ANTXR1: variants seen among roughly 807,000 people sequenced by gnomAD.
The protein encoded by ANTXR1 is ANTXR cell adhesion molecule 1.
ANTXR1 carries 19 observed loss-of-function variants against 78.1 expected under a neutral mutation model. That is an observed-to-expected ratio of 0.24 (90% CI 0.17 to 0.36). The LOEUF is 0.36. Ranked by LOEUF, ANTXR1 falls within the 10% of genes least tolerant of loss-of-function variation. The probability of loss-of-function intolerance (pLI) is 1.00; values close to 1 mark genes in which losing one functional copy is unlikely to be tolerated. For missense variants in ANTXR1, 518 were observed against 718.6 expected (o/e 0.72, Z 3.19); for synonymous variants, 273 against 260.5 (o/e 1.05, Z -0.46).
intron 10 of ANTXR1, among the ~76,000 whole-genome samples, chr2:69,109,566 T>A (rs1212182513): frequency 1.3e-5 from 2 of 152,210 alleles, no homozygotes; most frequent in Non-Finnish European, 2.9e-5. Flanking sequence ...GAATTTAGTA[T>A]AAAATAAGGC....
chr2:69,127,665 G>A (rs975514456), intron 12 of ANTXR1, among the ~76,000 whole-genome samples: 6 of 152,144 alleles, frequency 3.9e-5, no homozygotes, highest in Non-Finnish European at 8.8e-5. Flanking sequence ...GTTGAATCAG[G>A]GGAGGGCAAT....
chr2:69,014,474 G>A (rs1036820451), intron 1 of ANTXR1, among the ~76,000 whole-genome samples: 1 of 152,166 alleles, frequency 6.6e-6, no homozygotes, highest in South Asian at 2.1e-4. Context: ...AGGAGCCCTG[G>A]TTTCCTTGCA....
rs1332434965 is a variant in ANTXR1 at position 69,013,780 on chromosome 2, G to C, written c.152+129G>C. 6 of 1,465,888 alleles carry C rather than the reference G, an allele frequency of 4.1e-6. No individual in the cohort carries two copies. The highest frequency in any genetic ancestry group is 5.6e-6 in the Non-Finnish European group (6 of 1,074,152). 90.8% of individuals were successfully genotyped at this position (1,465,888 alleles called of 1,614,324 possible). ...CTCCAGGGCCACAGAGGGACCGCGC[G>C]GCAGGCGGCGGCGGAGTGCTGCGCC... On this transcript the variant is annotated intron_variant, in intron 1 of 17. Transcript: ENST00000303714. This position sits in a 1 kb window ranked among gnomAD's most constrained non-coding sequence, Gnocchi z 5.0.
chr2:69,051,428 A>G (rs944193720), intron 3 of ANTXR1, among the ~76,000 whole-genome samples: 1 of 151,982 alleles, frequency 6.6e-6, no homozygotes, highest in Non-Finnish European at 1.5e-5. Context: ...TTTAATAGCT[A>G]TATTTACTAT....
chr2:69,180,204 T>G (rs1367766789), intron 14 of ANTXR1, among the ~76,000 whole-genome samples: 1 of 152,242 alleles, frequency 6.6e-6, no homozygotes, highest in East Asian at 1.9e-4. Flanking sequence ...GCACCTTGCC[T>G]CCTGCATGGG....
chr2:69,191,396 A>G lies in ANTXR1; in HGVS notation c.1354-1939A>G, dbSNP rs1479131751. ...TGAGATGCTTCTTAACACTGCCCCT[A>G]TATAAATGCTTTGTGTCCAGGAACT... On this transcript the variant is annotated intron_variant, in intron 16 of 17. Transcript: ENST00000303714. 4.6e-5 allele frequency among the ~76,000 whole-genome samples: 7 copies of G among 152,218 alleles called. 1 individual carries two copies. The highest frequency in any genetic ancestry group is 4.1e-4 in the South Asian group (2 of 4,832).
intron 13 of ANTXR1, among the ~76,000 whole-genome samples, chr2:69,169,184 A>C (rs933986153): frequency 2.0e-5 from 3 of 152,258 alleles, no homozygotes; most frequent in Non-Finnish European, 2.9e-5. Flanking sequence ...TGGAGGAAGA[A>C]AAAATGGGTC....
At chr2:69,196,973 G>A (rs1674679860) in intron 17 of ANTXR1, among the ~76,000 whole-genome samples, 1 of 151,972 alleles carries the variant, frequency 6.6e-6, no homozygotes, top group South Asian at 2.1e-4. Context: ...AGGGGCTCAG[G>A]GAGCCAGAGC....
At position 69,044,689 on chromosome 2, in the gene ANTXR1, G is replaced by A; in HGVS notation, c.225-53G>A. On this transcript the variant is annotated intron_variant, in intron 2 of 17. Coordinates refer to ENST00000303714, the MANE Select transcript of ANTXR1 (RefSeq NM_032208.3). Reference sequence around the variant, plus strand: ...AGGACAGGGAGGGAGCCTGAAGGGAGTGGCATGCGCAGTCTTATTGTCTGT... The same window carrying A: ...AGGACAGGGAGGGAGCCTGAAGGGAATGGCATGCGCAGTCTTATTGTCTGT... 3 of 1,570,472 alleles carry A rather than the reference G, an allele frequency of 1.9e-6. No homozygotes were observed. In the East Asian group the frequency reaches 6.7e-5, roughly 35 times the overall value.
intron 16 of ANTXR1, among the ~76,000 whole-genome samples, chr2:69,192,586 C>G (rs1394038966): frequency 2.0e-5 from 3 of 152,178 alleles, no homozygotes; most frequent in Admixed American, 6.5e-5. Flanking sequence ...ACATTCTTAC[C>G]TTAATCACAT....
intron 8 of ANTXR1, among the ~76,000 whole-genome samples, chr2:69,085,578 A>G (rs1325377707): frequency 6.6e-5 from 10 of 152,144 alleles, no homozygotes; most frequent in Non-Finnish European, 1.5e-4. Flanking sequence ...TCATTTATTC[A>G]TTTATTTATC....
rs1454174088 is a variant in ANTXR1, at chr2:69,193,341, C to T, written c.1360C>T (p.Leu454Phe). Residue 454 changes from leucine (L) to phenylalanine (F), a missense_variant, in exon 17 of 18, where the codon CTC (leucine) becomes TTC (phenylalanine). This residue lies in a region of ANTXR1 where 192 missense variants were observed against 230.2 expected (regional missense o/e 0.83). Transcript: ENST00000303714. ...RKWYSPIKGK[L>F]DALWVLLRKG... ...TGCATTTGTTTTATTTCAGGGAAAACTCGATGCCTTGTGGGTCCTACTGAG... is the reference window on the plus strand; with the variant it reads ...TGCATTTGTTTTATTTCAGGGAAAATTCGATGCCTTGTGGGTCCTACTGAG... 17 of 1,613,852 alleles carry T rather than the reference C, an allele frequency of 1.1e-5. No individual in the cohort carries two copies. Among genetic ancestry groups the T allele is most frequent in the Non-Finnish European group, 1.4e-5 (17 of 1,179,890 alleles).
chr2:69,141,729 T>C (rs1431920811), intron 12 of ANTXR1, among the ~76,000 whole-genome samples: 1 of 152,234 alleles, frequency 6.6e-6, no homozygotes, highest in East Asian at 1.9e-4. Flanking sequence ...ACTGTGTACA[T>C]TGACTTTCAT....
intron 14 of ANTXR1, among the ~76,000 whole-genome samples, chr2:69,177,769 C>G (rs1048210064): frequency 3.9e-5 from 6 of 152,152 alleles, no homozygotes; most frequent in African/African-American, 1.4e-4. Flanking sequence ...TATAGTGCAG[C>G]CCACAACCCC....
chr2:69,043,183 T>G (rs2104084180), intron 2 of ANTXR1, among the ~76,000 whole-genome samples: 1 of 152,280 alleles, frequency 6.6e-6, no homozygotes, highest in South Asian at 2.1e-4. Flanking sequence ...TTAAAACACT[T>G]GACTTCAAGC....
chr2:69,198,582 G>C (rs1259537467), intron 17 of ANTXR1, among the ~76,000 whole-genome samples: 7 of 152,008 alleles, frequency 4.6e-5, no homozygotes, highest in Admixed American at 3.9e-4. Context: ...GTTTTTTCTA[G>C]TTTGCCATTT....
intron 1 of ANTXR1, among the ~76,000 whole-genome samples, chr2:69,031,845 C>A (rs942618214): frequency 7.9e-5 from 12 of 152,190 alleles, no homozygotes; most frequent in Admixed American, 6.5e-4. Context: ...CAAATGTTAA[C>A]TTTTTCCCCT....
chr2:69,113,373 T>C (rs917819024), intron 10 of ANTXR1, among the ~76,000 whole-genome samples: 1 of 152,182 alleles, frequency 6.6e-6, no homozygotes, highest in Non-Finnish European at 1.5e-5. Context: ...GCCATACTCC[T>C]GGAACCCCAG....
At chr2:69,119,752 A>G (rs1320589359) in intron 10 of ANTXR1, among the ~76,000 whole-genome samples, 1 of 152,240 alleles carries the variant, frequency 6.6e-6, no homozygotes, top group Non-Finnish European at 1.5e-5. Flanking sequence ...CTATTAGATA[A>G]TCATGCAGAC....
Sources: allele counts gnomAD v4.1 joint callset (sites outside exome capture counted in the v4.1 genomes callset), GRCh38; gene constraint gnomAD v4.1.1; regional missense constraint gnomAD v4.1.1; non-coding constraint Gnocchi (gnomAD v3.1); transcripts MANE v1.5; gene names NCBI Gene and HGNC (gene_info 2026-07-23, HGNC 2026-07-21).